The following RPS6KA2 variants were observed in gnomAD, a reference collection of about 807,000 sequenced individuals.
RPS6KA2 encodes the protein ribosomal protein S6 kinase A2.
In RPS6KA2, 42 loss-of-function variants were observed where a neutral mutation model predicts 91.8. That is an observed-to-expected ratio of 0.46 (90% CI 0.36 to 0.59). The LOEUF is 0.59. RPS6KA2 is among the 20% of genes least tolerant of loss of function. The probability of loss-of-function intolerance (pLI) is 0.00; values close to 1 mark genes in which losing one functional copy is unlikely to be tolerated. For missense variants in RPS6KA2, 798 were observed against 978.5 expected, an observed-to-expected ratio of 0.82 and a Z score of 2.46; for synonymous variants, 414 against 393.6, an observed-to-expected ratio of 1.05 and a Z score of -0.61.
In RPS6KA2 at chr6:166,554,416, G is replaced by A. The variant is rs184313084; in HGVS notation, c.100-15632C>T. On this transcript the variant is annotated intron_variant, in intron 1 of 20. Coordinates refer to ENST00000265678, the MANE Select transcript of RPS6KA2 (RefSeq NM_021135.6). The surrounding 1 kb of genome is among the most constrained non-coding windows in gnomAD (Gnocchi z 4.3). ...CCTCCTTTTGTTGTAAACATTGGAT[G>A]CAAAGAAGAATTAACCATGGAACTA... 2.0e-5 allele frequency among the ~76,000 whole-genome samples: 3 copies of A among 152,372 alleles called. No homozygotes were observed. The highest frequency in any genetic ancestry group is 3.9e-4 in the East Asian group (2 of 5,190).
chr6:166,687,967 C>A (rs954667647), intron 2 of RPS6KA2, among the ~76,000 whole-genome samples: 1 of 152,036 alleles, frequency 6.6e-6, no homozygotes, highest in African/African-American at 2.4e-5. Context: ...ATTCACAGGA[C>A]GGGGGAGCCT....
At chr6:166,483,187 G>A (rs1583191642) in intron 10 of RPS6KA2, among the ~76,000 whole-genome samples, 2 of 152,220 alleles carry the variant, frequency 1.3e-5, no homozygotes, top group Non-Finnish European at 2.9e-5. Flanking sequence ...GAGGACACGC[G>A]CAGCTGCATG....
chr6:166,572,512 C>T (rs554346852), intron 1 of RPS6KA2, among the ~76,000 whole-genome samples: 1 of 152,360 alleles, frequency 6.6e-6, no homozygotes, highest in East Asian at 1.9e-4. Flanking sequence ...TTAGCTCTTT[C>T]CTCACAGTAA....
In RPS6KA2 at chr6:166,435,796, T is replaced by G. The variant is rs533306900; in HGVS notation, c.1333-3306A>C. ...TGTGGCCATGTCACTTGCTGGTACTTGAATGTGGGTGTCTGCAGGCTCAGC... is the reference window on the plus strand; with the variant it reads ...TGTGGCCATGTCACTTGCTGGTACTGGAATGTGGGTGTCTGCAGGCTCAGC... On this transcript the variant is annotated intron_variant, in intron 14 of 20. Coordinates refer to ENST00000265678, the MANE Select transcript of RPS6KA2 (RefSeq NM_021135.6). This position sits in a 1 kb window ranked among gnomAD's most constrained non-coding sequence, Gnocchi z 4.3. 6.8e-4 allele frequency among the ~76,000 whole-genome samples: 103 copies of G among 152,320 alleles called. No individual in the cohort carries two copies. The highest frequency in any genetic ancestry group is 2.4e-3 in the African/African-American group (99 of 41,576).
chr6:166,481,450 T>A (rs887930407), intron 10 of RPS6KA2, among the ~76,000 whole-genome samples: 9 of 152,278 alleles, frequency 5.9e-5, no homozygotes, highest in African/African-American at 1.7e-4. Flanking sequence ...AAGTATTTGC[T>A]GCAGAGTGGA....
Position 166,508,938 on chromosome 6 carries a change from G to A in RPS6KA2, c.380-656C>T, listed in dbSNP as rs907037181. ...CTCTGTTGAGCGGGCGCATGAGCAC[G>A]GGAGGGTCTAGAGAAGCCCGTCACC... On this transcript the variant is annotated intron_variant, in intron 4 of 20. Coordinates refer to ENST00000265678, the MANE Select transcript of RPS6KA2 (RefSeq NM_021135.6). This position sits in a 1 kb window ranked among gnomAD's most constrained non-coding sequence, Gnocchi z 4.3. 1.3e-5 allele frequency among the ~76,000 whole-genome samples: 2 copies of A among 152,206 alleles called. No homozygotes were observed. The highest frequency in any genetic ancestry group is 4.1e-4 in the South Asian group (2 of 4,826).
chr6:166,620,680 T>C (rs1268467598), intron 1 of RPS6KA2, among the ~76,000 whole-genome samples: 1 of 152,218 alleles, frequency 6.6e-6, no homozygotes, highest in Non-Finnish European at 1.5e-5. Context: ...TTTACAGATA[T>C]GGTCTCACCA....
intron 1 of RPS6KA2, among the ~76,000 whole-genome samples, chr6:166,615,825 C>A (rs916166778): frequency 2.0e-5 from 3 of 152,172 alleles, no homozygotes; most frequent in African/African-American, 7.2e-5. Context: ...GGGGTCTAGA[C>A]ACCATTGAGG....
At chr6:166,664,751 T>C (rs1340309601) in intron 2 of RPS6KA2, among the ~76,000 whole-genome samples, 1 of 152,086 alleles carries the variant, frequency 6.6e-6, no homozygotes, top group African/African-American at 2.4e-5. Context: ...AGCAAGAAAA[T>C]ATTCTATTAA....
chr6:166,418,306 A>G lies in RPS6KA2; in HGVS notation c.1857T>C (p.Pro619=). 1.9e-6 allele frequency: 3 copies of G among 1,613,934 alleles called. No individual in the cohort carries two copies. Among genetic ancestry groups the G allele is most frequent in the Non-Finnish European group, 2.5e-6 (3 of 1,179,946 alleles). Residue 619 remains proline, a synonymous_variant, in exon 19 of 21, where the codon CCT becomes CCC. Transcript: ENST00000265678. The surrounding 1 kb of genome is among the most constrained non-coding windows in gnomAD (Gnocchi z 4.9). ...TPFANGPDDT[P]EEILARIGSG... is the part of the protein sequence containing the mutation. ...TGCCGATCCGCGCCAGAATCTCCTC[A>G]GGGGTATCGTCTGGCCCATTTGCAA...
chr6:166,813,262 C>T (rs6914229), intron 2 of RPS6KA2, among the ~76,000 whole-genome samples: 3,470 of 152,244 alleles, frequency 0.023, 142 homozygotes, highest in African/African-American at 0.079. Flanking sequence ...GCAGCCAGGG[C>T]TCCGATTCCC....
At chr6:166,525,501 C>T (rs78244048) in intron 3 of RPS6KA2, among the ~76,000 whole-genome samples, 4,119 of 152,172 alleles carry the variant, frequency 0.027, 181 homozygotes, top group African/African-American at 0.091. Context: ...GGGTGCCCAA[C>T]GCTCCAAACT....
intron 2 of RPS6KA2, among the ~76,000 whole-genome samples, chr6:166,640,836 G>C (rs1233052506): frequency 6.6e-6 from 1 of 152,046 alleles, no homozygotes; most frequent in Non-Finnish European, 1.5e-5. Context: ...GATCCGAGTC[G>C]GCATTCCCAT....
At position 166,414,075 on chromosome 6, in the gene RPS6KA2, TC is replaced by T. The variant is rs148994455; in HGVS notation, c.1939-145del. 848 of 635,688 alleles carry T rather than the reference TC, an allele frequency of 1.3e-3. 5 individuals are homozygous for T. In the African/African-American group the frequency reaches 0.015, roughly 11 times the overall value. The allele number at this position is 635,688 out of a possible 1,614,324, so 39.4% of individuals were successfully genotyped here. On this transcript the variant is annotated intron_variant, in intron 19 of 20. Coordinates refer to ENST00000265678, the MANE Select transcript of RPS6KA2 (RefSeq NM_021135.6). ...GGGTCTTTGCATTTTGGGGTCATGT[TC>T]ACTTTCAGGTTTAGAAGTATGTCAA... is the stretch of plus-strand genomic sequence containing the variant.
intron 7 of RPS6KA2, among the ~76,000 whole-genome samples, chr6:166,499,173 A>T (rs1290790874): frequency 1.3e-5 from 2 of 152,212 alleles, no homozygotes; most frequent in Admixed American, 1.3e-4. Context: ...CCGAGCTATG[A>T]TGGAAGAACA....
chr6:166,801,945 T>C (rs998295521), intron 2 of RPS6KA2, among the ~76,000 whole-genome samples: 4 of 147,390 alleles, frequency 2.7e-5, no homozygotes, highest in Non-Finnish European at 6.0e-5. Context: ...AGAGGAAAAT[T>C]AAAAAAAAAA....
At chr6:166,428,592 TCAAA>T (rs1339520323) in intron 16 of RPS6KA2, among the ~76,000 whole-genome samples, 10 of 139,738 alleles carry the variant, frequency 7.2e-5, no homozygotes, top group African/African-American at 2.7e-4. Context: ...TACAATGAAC[TCAAA>T]CAAATTTACA....
rs190438103 is a variant in RPS6KA2 at position 166,862,260 on chromosome 6, G to A, written c.-90C>T. On this transcript the variant is annotated 5_prime_UTR_variant, in exon 1 of 22. Coordinates refer to the RPS6KA2 transcript ENST00000503859. ...GACCGGCACAGGGGGACGGCCAGACGGGATGTCGGAAGCCAAGGGACGCAG... is the reference window on the plus strand; with the variant it reads ...GACCGGCACAGGGGGACGGCCAGACAGGATGTCGGAAGCCAAGGGACGCAG... The A allele has an allele frequency of 3.7e-5, 59 of 1,600,464 alleles. No homozygotes were observed. The African/African-American group carries it at 6.9e-4, about 19-fold the overall frequency.
At chr6:166,546,671 T>G (rs1321410277) in intron 1 of RPS6KA2, among the ~76,000 whole-genome samples, 1 of 152,180 alleles carries the variant, frequency 6.6e-6, no homozygotes, top group African/African-American at 2.4e-5. Context: ...TCCTATTTCT[T>G]TAGCAGAAAA....
Sources: allele counts gnomAD v4.1 joint callset (sites outside exome capture counted in the v4.1 genomes callset), GRCh38; gene constraint gnomAD v4.1.1; non-coding constraint Gnocchi (gnomAD v3.1); transcripts MANE v1.5; gene names NCBI Gene and HGNC (gene_info 2026-07-23, HGNC 2026-07-21).